The following ACSBG2 variants were observed in gnomAD, a reference collection of about 807,000 sequenced individuals.
ACSBG2 encodes the protein acyl-CoA synthetase bubblegum family member 2, also known as long-chain-fatty-acid--CoA ligase ACSBG2.
Under a neutral mutation model 74.7 loss-of-function variants are expected in ACSBG2, and 62 were observed. The observed-to-expected ratio is 0.83, with a 90% CI of 0.68 to 1.03. ACSBG2 has a LOEUF of 1.03. Among genes scored for constraint, ACSBG2 ranks in the 50% least tolerant of loss-of-function variants. The pLI, the probability that ACSBG2 is intolerant of heterozygous loss-of-function variation, is 0.00. For missense variants in ACSBG2, 730 were observed against 817.6 expected (o/e 0.89, Z 1.31); for synonymous variants, 309 against 294.1 (o/e 1.05, Z -0.52).
intron 8 of ACSBG2, 139 bp from the exon 9 acceptor site, chr19:6,182,612 C>G: frequency 1.3e-6 from 1 of 786,596 alleles, no homozygotes; most frequent in Non-Finnish European, 2.0e-6. Context: ...AATGGGTTGT[C>G]TCCTTTTGGT....
intron 7 of ACSBG2, among the ~76,000 whole-genome samples, chr19:6,172,261 CT>C (rs35086448): frequency 3.3e-5 from 5 of 152,182 alleles, no homozygotes; most frequent in Non-Finnish European, 1.5e-5. Flanking sequence ...AACACTCTGG[CT>C]TTTTCTACTG....
At chr19:6,179,260 T>A (rs1162979026) in intron 8 of ACSBG2, among the ~76,000 whole-genome samples, 3 of 152,088 alleles carry the variant, frequency 2.0e-5, no homozygotes, top group Admixed American at 2.0e-4. Flanking sequence ...TGCAAAGTAG[T>A]TATGTGAAAG....
chr19:6,157,418 G>A (rs759615279), intron 5 of ACSBG2, among the ~76,000 whole-genome samples: 10 of 152,156 alleles, frequency 6.6e-5, no homozygotes, highest in Non-Finnish European at 1.3e-4. Flanking sequence ...TTAGCCGGGT[G>A]TGGTGGCATG....
chr19:6,149,752 C>T (rs192109728), intron 3 of ACSBG2, among the ~76,000 whole-genome samples: 35 of 152,100 alleles, frequency 2.3e-4, no homozygotes, highest in African/African-American at 4.1e-4. Flanking sequence ...AAGAGATCCA[C>T]GTGCCTTGGC....
In ACSBG2 at chr19:6,187,831, A is replaced by G; in HGVS notation, c.1913A>G (p.Tyr638Cys). 6.2e-7 allele frequency: 1 copy of G among 1,614,174 alleles called. No homozygotes were observed. The highest frequency in any genetic ancestry group is 2.2e-5 in the East Asian group (1 of 44,882). ...ATCTTGGAGAAGGACTTTTCCATCTATGGTGGAGAGCTAGGTGAGTGGCCA... is the reference window on the plus strand; with the variant it reads ...ATCTTGGAGAAGGACTTTTCCATCTGTGGTGGAGAGCTAGGTGAGTGGCCA... ...WVILEKDFSIYGGELGPMMKL... is the reference protein window; with the variant it reads ...WVILEKDFSICGGELGPMMKL... Residue 638 changes from tyrosine (Y) to cysteine (C), a missense_variant, in exon 13 of 15, where the codon TAT becomes TGT. Coordinates refer to ENST00000588485, the MANE Select transcript of ACSBG2 (RefSeq NM_030924.5).
intron 8 of ACSBG2, 79 bp from the exon 9 acceptor site, chr19:6,182,672 G>T: frequency 7.1e-7 from 1 of 1,402,820 alleles, no homozygotes; most frequent in Non-Finnish European, 9.8e-7. Flanking sequence ...CTTGGGCAAA[G>T]TTGGGTGGAT....
chr19:6,190,899 C>A, intron 14 of ACSBG2: 1 of 445,244 alleles, frequency 2.2e-6, no homozygotes, highest in East Asian at 4.0e-5. Context: ...CTCATGCTGT[C>A]TCTACTCTAC....
chr19:6,156,673 G>A (rs745387314), intron 5 of ACSBG2, 122 bp downstream of exon 5: 8 of 1,097,820 alleles, frequency 7.3e-6, no homozygotes, highest in East Asian at 2.9e-5. Flanking sequence ...TCTGTTCAGC[G>A]AGTCCTCCAT....
chr19:6,174,770 G>C lies in ACSBG2; in HGVS notation c.739-2459G>C, dbSNP rs768781450. Among the ~76,000 whole-genome samples the C allele has an allele frequency of 2.0e-5, 3 of 152,162 alleles. No individual in the cohort carries two copies. The highest frequency in any genetic ancestry group is 6.5e-5 in the Admixed American group (1 of 15,274). On this transcript the variant is annotated intron_variant, in intron 7 of 14. Coordinates refer to ENST00000588485, the MANE Select transcript of ACSBG2 (RefSeq NM_030924.5). The surrounding 1 kb of genome is among the most constrained non-coding windows in gnomAD (Gnocchi z 4.2). Reference sequence around the variant, plus strand: ...CGAGGCTGCAGTGAGCTATGATGCTGCCACTGCACTCCAGCCTGGGTGACA... The same window carrying C: ...CGAGGCTGCAGTGAGCTATGATGCTCCCACTGCACTCCAGCCTGGGTGACA...
intron 1 of ACSBG2, among the ~76,000 whole-genome samples, chr19:6,138,628 A>C (rs796176308): frequency 5.7e-4 from 16 of 28,098 alleles, no homozygotes; most frequent in African/African-American, 1.7e-3. Flanking sequence ...AAGGGGAGGA[A>C]GAAAGAAAGG....
chr19:6,181,977 A>G (rs1172837060), intron 8 of ACSBG2, among the ~76,000 whole-genome samples: 1 of 152,148 alleles, frequency 6.6e-6, no homozygotes, highest in Admixed American at 6.5e-5. Context: ...CAGGATGGCT[A>G]ACGTTTCCTG....
At chr19:6,137,347 T>G (rs1051055109) in intron 1 of ACSBG2, 2 of 152,072 alleles carry the variant, frequency 1.3e-5, no homozygotes, top group Admixed American at 6.6e-5. Flanking sequence ...GTCCCAGCTA[T>G]CTGAGGGGAA....
intron 7 of ACSBG2, among the ~76,000 whole-genome samples, chr19:6,171,021 G>T (rs2089950333): frequency 6.6e-6 from 1 of 151,256 alleles, no homozygotes; most frequent in South Asian, 2.1e-4. Context: ...TGTTTTATTG[G>T]ATAAAACAGT....
intron 4 of ACSBG2, among the ~76,000 whole-genome samples, chr19:6,155,901 T>C (rs1301507047): frequency 1.4e-5 from 2 of 144,234 alleles, no homozygotes; most frequent in Admixed American, 7.2e-5. Flanking sequence ...AAAGAAATTC[T>C]GTAACTCAGT....
rs567202826 is a variant in ACSBG2 at position 6,185,635 on chromosome 19, G to A, written c.1522G>A (p.Val508Ile). ...GQLDGLGFLY[V>I]TGHIKEILIT... ...GCTGGACGGTCTGGGTTTCCTCTAT[G>A]TCACCGGCCACATCAAAGGTACCAG... The change falls in exon 11 of 15, where the codon GTC (valine) becomes ATC (isoleucine). Residue 508 changes from valine to isoleucine, a missense_variant. By Grantham distance (29) the Val-to-Ile change is conservative. Transcript: ENST00000588485. The A allele has an allele frequency of 6.2e-7, 1 of 1,614,110 alleles. No individual in the cohort carries two copies. Among genetic ancestry groups the A allele is most frequent in the South Asian group, 1.1e-5 (1 of 91,072 alleles).
intron 6 of ACSBG2, among the ~76,000 whole-genome samples, chr19:6,164,857 C>T (rs2089745571): frequency 6.6e-6 from 1 of 152,156 alleles, no homozygotes; most frequent in African/African-American, 2.4e-5. Flanking sequence ...TTTGCGGCAC[C>T]GAATTCTGTC....
At chr19:6,166,408 C>T (rs1306691611) in intron 7 of ACSBG2, among the ~76,000 whole-genome samples, 3 of 150,678 alleles carry the variant, frequency 2.0e-5, no homozygotes, top group African/African-American at 4.9e-5. Flanking sequence ...CCTCTGCCTC[C>T]GTTCAAGTGA....
intron 3 of ACSBG2, among the ~76,000 whole-genome samples, chr19:6,149,708 T>G (rs12979143): frequency 6.6e-6 from 1 of 152,022 alleles, no homozygotes; most frequent in Non-Finnish European, 1.5e-5. Context: ...GGGTTTCATC[T>G]TGTGGGCCAG....
chr19:6,137,746 C>T (rs1276570498), intron 1 of ACSBG2, among the ~76,000 whole-genome samples: 1 of 152,072 alleles, frequency 6.6e-6, no homozygotes, highest in African/African-American at 2.4e-5. Flanking sequence ...CTCTTGGGTT[C>T]AAGCAATTCT....
Sources: gnomAD v4.1 joint callset for allele counts (sites outside exome capture counted in the v4.1 genomes callset) on GRCh38, gnomAD v4.1.1 for gene constraint, Gnocchi (gnomAD v3.1) non-coding constraint, MANE v1.5 for transcripts, NCBI Gene and HGNC (gene_info 2026-07-23, HGNC 2026-07-21) for gene names.